Variants in PTPRT observed in about 807,000 individuals in gnomAD.
The protein encoded by PTPRT is protein tyrosine phosphatase receptor type T, also known as receptor-type tyrosine-protein phosphatase T.
PTPRT carries 56 observed loss-of-function variants against 176.8 expected under a neutral mutation model. The ratio of observed to expected loss-of-function variants is 0.32; its 90% CI spans 0.26 to 0.40. The LOEUF (loss-of-function observed/expected upper bound fraction) is 0.40, where lower values mean the gene tolerates loss of function less well. Ranked by LOEUF, PTPRT falls within the 10% of genes least tolerant of loss-of-function variation. The pLI is 1.00. For missense variants in PTPRT, 1,540 were observed against 1,908.2 expected, an observed-to-expected ratio of 0.81 and a Z score of 3.60; for synonymous variants, 783 against 739.0, an observed-to-expected ratio of 1.06 and a Z score of -0.96.
intron 1 of PTPRT, among the ~76,000 whole-genome samples, chr20:42,947,616 T>TAA (rs752178411): frequency 5.3e-4 from 80 of 152,200 alleles, no homozygotes; most frequent in Non-Finnish European, 1.0e-3. Context: ...ACTTTCATAT[T>TAA]ACAGTAAATA....
intron 1 of PTPRT, among the ~76,000 whole-genome samples, chr20:43,159,360 C>G (rs1329061596): frequency 6.6e-6 from 1 of 152,220 alleles, no homozygotes; most frequent in Non-Finnish European, 1.5e-5. Flanking sequence ...AGGATGTGGA[C>G]AGGGCACACA....
At chr20:42,386,733 C>T (rs897790983) in intron 9 of PTPRT, among the ~76,000 whole-genome samples, 41 of 152,032 alleles carry the variant, frequency 2.7e-4, no homozygotes, top group South Asian at 4.2e-4. Flanking sequence ...TGGTGGTGGA[C>T]GCCTGTAATC....
At chr20:42,580,221 T>C (rs1568992559) in intron 7 of PTPRT, among the ~76,000 whole-genome samples, 1 of 152,192 alleles carries the variant, frequency 6.6e-6, no homozygotes, top group East Asian at 1.9e-4. Context: ...TGTAGATATA[T>C]GGCATTATTG....
intron 2 of PTPRT, among the ~76,000 whole-genome samples, chr20:42,822,502 A>T (rs2077912982): frequency 1.3e-5 from 2 of 152,236 alleles, no homozygotes; most frequent in South Asian, 4.1e-4. Flanking sequence ...CAAAGACTTC[A>T]TGACAAAAAT....
intron 14 of PTPRT, among the ~76,000 whole-genome samples, chr20:42,240,970 A>G (rs865980005): frequency 2.8e-4 from 43 of 152,196 alleles, no homozygotes; most frequent in African/African-American, 9.9e-4. Flanking sequence ...ATATTGCATG[A>G]ACTATTTTAT....
chr20:42,907,828 G>A (rs753039195), intron 1 of PTPRT, among the ~76,000 whole-genome samples: 2 of 143,510 alleles, frequency 1.4e-5, no homozygotes, highest in Admixed American at 1.3e-4. Context: ...GGTACAAGTG[G>A]GGGCAGAGTG....
chr20:42,236,718 C>G (rs1006520531), intron 14 of PTPRT, among the ~76,000 whole-genome samples: 1 of 151,360 alleles, frequency 6.6e-6, no homozygotes, highest in African/African-American at 2.4e-5. Context: ...CAACACCAAA[C>G]TTCTTCTGTC....
At chr20:43,135,928 A>C (rs910394542) in intron 1 of PTPRT, among the ~76,000 whole-genome samples, 2 of 152,226 alleles carry the variant, frequency 1.3e-5, no homozygotes, top group African/African-American at 4.8e-5. Flanking sequence ...TAAACAGAGA[A>C]TGGTGTTTTT....
chr20:42,062,920 C>T, the PTPRT span, among the ~76,000 whole-genome samples: 21 of 152,340 alleles, frequency 1.4e-4, no homozygotes, highest in African/African-American at 4.3e-4. Flanking sequence ...ACAGGTAAGA[C>T]GGCTCACTTC....
chr20:42,812,506 T>C (rs2077713424), intron 2 of PTPRT, among the ~76,000 whole-genome samples: 1 of 152,138 alleles, frequency 6.6e-6, no homozygotes, highest in Non-Finnish European at 1.5e-5. Context: ...ACAGTAACAA[T>C]TTTTGGGAGG....
intron 9 of PTPRT, among the ~76,000 whole-genome samples, chr20:42,379,338 C>A (rs999284755): frequency 2.0e-5 from 3 of 152,248 alleles, no homozygotes; most frequent in Non-Finnish European, 4.4e-5. Flanking sequence ...AAGTTCTATT[C>A]ATTTCCCTGC....
intron 16 of PTPRT, among the ~76,000 whole-genome samples, chr20:42,186,131 T>C (rs1568653946): frequency 6.6e-6 from 1 of 151,882 alleles, no homozygotes; most frequent in African/African-American, 2.4e-5. Context: ...GAGAAAAGCA[T>C]GGGTATAGCC....
intron 9 of PTPRT, among the ~76,000 whole-genome samples, chr20:42,437,686 AAAAT>A (rs2059274599): frequency 1.3e-5 from 2 of 152,166 alleles, no homozygotes; most frequent in African/African-American, 4.8e-5. Flanking sequence ...GTCAAAAGAA[AAAAT>A]GCCCATTGAC....
Position 43,100,577 on chromosome 20 carries a change from C to G in PTPRT, c.88+89069G>C, listed in dbSNP as rs542423707. ...TGAAGGATTCCCCCAAGCCCTAGGGCTGTATCCAGACAGAATTTTCATTCC... is the reference window on the plus strand; with the variant it reads ...TGAAGGATTCCCCCAAGCCCTAGGGGTGTATCCAGACAGAATTTTCATTCC... On this transcript the variant is annotated intron_variant, in intron 1 of 30. Coordinates refer to ENST00000373187, the MANE Select transcript of PTPRT (RefSeq NM_007050.6). Among the ~76,000 whole-genome samples, 11 of 152,332 alleles carry G rather than the reference C, an allele frequency of 7.2e-5. No individual in the cohort carries two copies. The South Asian group carries it at 2.1e-3, about 29-fold the overall frequency.
intron 7 of PTPRT, among the ~76,000 whole-genome samples, chr20:42,539,669 A>C (rs956559457): frequency 3.9e-5 from 6 of 152,088 alleles, no homozygotes; most frequent in Admixed American, 1.3e-4. Context: ...TTTAAAAAAA[A>C]AAACAAACTA....
chr20:42,350,960 G>A (rs2058274749), intron 10 of PTPRT, among the ~76,000 whole-genome samples: 1 of 152,202 alleles, frequency 6.6e-6, no homozygotes, highest in African/African-American at 2.4e-5. Flanking sequence ...GCAATGATCT[G>A]TCGAGTAACC....
chr20:42,370,017 T>TC (rs1442126631), intron 9 of PTPRT, among the ~76,000 whole-genome samples: 1 of 151,808 alleles, frequency 6.6e-6, no homozygotes, highest in African/African-American at 2.4e-5. Context: ...TGCCTTCATG[T>TC]CCCCTCCTCT....
chr20:42,734,995 A>C (rs1398175088), intron 6 of PTPRT, among the ~76,000 whole-genome samples: 1 of 152,264 alleles, frequency 6.6e-6, no homozygotes, highest in Non-Finnish European at 1.5e-5. Flanking sequence ...GGGAGGGATC[A>C]TGAAGAGTGA....
chr20:42,498,992 C>A (rs2071702245), intron 7 of PTPRT, among the ~76,000 whole-genome samples: 1 of 152,164 alleles, frequency 6.6e-6, no homozygotes, highest in Non-Finnish European at 1.5e-5. Flanking sequence ...GTTCTCAGAA[C>A]CTCCTGAGGC....
Sources: gnomAD v4.1 joint callset for allele counts (sites outside exome capture counted in the v4.1 genomes callset) on GRCh38, gnomAD v4.1.1 for gene constraint, MANE v1.5 for transcripts, NCBI Gene and HGNC (gene_info 2026-07-23, HGNC 2026-07-21) for gene names.